Variants in NKAIN3 observed in about 807,000 individuals in gnomAD.
The protein encoded by NKAIN3 is sodium/potassium-transporting ATPase subunit beta-1-interacting protein 3.
Under a neutral mutation model 30.2 loss-of-function variants are expected in NKAIN3, and 25 were observed. The observed-to-expected ratio is 0.83, with a 90% CI of 0.60 to 1.16. NKAIN3 has a LOEUF of 1.16. NKAIN3 is among the 50% of genes most tolerant of loss of function. The pLI is 0.00. For synonymous variants in NKAIN3, 91 were observed against 89.6 expected (o/e 1.02, Z -0.09); for missense variants, 225 against 254.1 (o/e 0.89, Z 0.78).
intron 1 of NKAIN3, among the ~76,000 whole-genome samples, chr8:62,336,899 A>C (rs1232939326): frequency 2.0e-5 from 3 of 152,062 alleles, no homozygotes; most frequent in Admixed American, 6.6e-5. Context: ...ACTGTTTGTC[A>C]AAGCTACTCA....
chr8:62,993,637 A>C (rs1280276911), intron 5 of NKAIN3, among the ~76,000 whole-genome samples: 1 of 152,060 alleles, frequency 6.6e-6, no homozygotes, highest in African/African-American at 2.4e-5. Flanking sequence ...CCTTTTTGCA[A>C]ACGAATCACT....
intron 4 of NKAIN3, among the ~76,000 whole-genome samples, chr8:62,873,949 C>T (rs1315633561): frequency 1.3e-5 from 2 of 151,476 alleles, no homozygotes; most frequent in Non-Finnish European, 3.0e-5. Flanking sequence ...ACAAACAAAA[C>T]CAAAAGCTAG....
At chr8:62,652,147 C>T (rs951594241) in intron 3 of NKAIN3, among the ~76,000 whole-genome samples, 1 of 152,064 alleles carries the variant, frequency 6.6e-6, no homozygotes, top group Non-Finnish European at 1.5e-5. Flanking sequence ...TCCCAAGGCC[C>T]CACTTCCAAA....
chr8:62,327,974 C>T (rs1376711973), intron 1 of NKAIN3, among the ~76,000 whole-genome samples: 1 of 151,996 alleles, frequency 6.6e-6, no homozygotes. Context: ...TTAGAGTTTT[C>T]ATTGCAGAGG....
intron 4 of NKAIN3, among the ~76,000 whole-genome samples, chr8:62,789,195 C>T (rs1586196827): frequency 1.3e-5 from 2 of 152,064 alleles, no homozygotes; most frequent in East Asian, 3.9e-4. Context: ...TGTTTGTATC[C>T]TCTTTTATTT....
intron 4 of NKAIN3, among the ~76,000 whole-genome samples, chr8:62,807,076 C>A (rs377176810): frequency 5.3e-5 from 8 of 152,216 alleles, no homozygotes; most frequent in African/African-American, 1.9e-4. Flanking sequence ...TTTGTTAAAT[C>A]TTTTACTTCA....
At chr8:62,259,194 T>A (rs1418232713) in intron 1 of NKAIN3, among the ~76,000 whole-genome samples, 3 of 152,206 alleles carry the variant, frequency 2.0e-5, no homozygotes, top group Non-Finnish European at 4.4e-5. Context: ...TTATAGTATT[T>A]TGGACAACAA....
chr8:62,759,175 T>G (rs1816558979), intron 4 of NKAIN3, among the ~76,000 whole-genome samples: 1 of 152,180 alleles, frequency 6.6e-6, no homozygotes, highest in Non-Finnish European at 1.5e-5. Context: ...AAATGGATTT[T>G]TGGTGAAAAC....
At chr8:62,372,771 A>G (rs984904158) in intron 1 of NKAIN3, among the ~76,000 whole-genome samples, 5 of 151,932 alleles carry the variant, frequency 3.3e-5, no homozygotes, top group African/African-American at 1.2e-4. Context: ...GTATTTACAA[A>G]AGACAACACA....
At position 62,967,689 on chromosome 8, in the gene NKAIN3, G is replaced by C. The variant is rs73683964; in HGVS notation, c.*2282G>C. ...CAATAATTATTGTTAGTATTGTTAC[G>C]ATTATTGAAAAAGCTGATAAAACAT... On this transcript the variant is annotated 3_prime_UTR_variant, in exon 7 of 7. Transcript: ENST00000623646. 6.6e-6 allele frequency among the ~76,000 whole-genome samples: 1 copy of C among 152,052 alleles called. No homozygotes were observed. The highest frequency in any genetic ancestry group is 1.9e-4 in the East Asian group (1 of 5,190).
intron 4 of NKAIN3, among the ~76,000 whole-genome samples, chr8:62,848,016 C>T (rs893704586): frequency 5.9e-5 from 9 of 152,222 alleles, no homozygotes; most frequent in East Asian, 3.9e-4. Flanking sequence ...TCTGGGTTCT[C>T]TATTGTATTC....
At chr8:62,355,895 TAGAA>T (rs1453181170) in intron 1 of NKAIN3, among the ~76,000 whole-genome samples, 1 of 152,206 alleles carries the variant, frequency 6.6e-6, no homozygotes, top group East Asian at 1.9e-4. Flanking sequence ...ATAAATATAT[TAGAA>T]AGCTTTGTTT....
In NKAIN3 at chr8:62,672,838, G is replaced by C. The variant is rs533541822; in HGVS notation, c.274-74094G>C. ...TCCATTTAAAGTTTAATTCTATACA[G>C]TCAATTTTATCTAAAAAAATTGATT... On this transcript the variant is annotated intron_variant, in intron 3 of 6. Transcript: ENST00000623646. Among the ~76,000 whole-genome samples the C allele has an allele frequency of 2.0e-4, 30 of 152,038 alleles. 1 individual carries two copies. The highest frequency in any genetic ancestry group is 3.9e-4 in the Admixed American group (6 of 15,240).
At chr8:62,503,985 A>T (rs1563429517) in intron 1 of NKAIN3, among the ~76,000 whole-genome samples, 1 of 152,186 alleles carries the variant, frequency 6.6e-6, no homozygotes, top group Admixed American at 6.5e-5. Flanking sequence ...AGATGCAAGA[A>T]ATTATAAGAG....
At chr8:62,449,010 G>A (rs1462660153) in intron 1 of NKAIN3, among the ~76,000 whole-genome samples, 3 of 151,770 alleles carry the variant, frequency 2.0e-5, no homozygotes, top group Non-Finnish European at 4.4e-5. Context: ...CTTTTTGTAG[G>A]TCTTATACTT....
chr8:62,441,516 T>C (rs1015936978), intron 1 of NKAIN3, among the ~76,000 whole-genome samples: 9 of 151,960 alleles, frequency 5.9e-5, no homozygotes, highest in Admixed American at 6.6e-5. Flanking sequence ...AAATATTTTA[T>C]CTTGTGAGTT....
chr8:62,380,403 C>T (rs1817237664), intron 1 of NKAIN3, among the ~76,000 whole-genome samples: 1 of 152,142 alleles, frequency 6.6e-6, no homozygotes. Flanking sequence ...TCTCTTTCTC[C>T]TATCAGATGC....
At chr8:62,629,233 T>A (rs1322685835) in intron 3 of NKAIN3, among the ~76,000 whole-genome samples, 1 of 152,154 alleles carries the variant, frequency 6.6e-6, no homozygotes, top group Non-Finnish European at 1.5e-5. Context: ...CTTGTATGGA[T>A]GTATTTCATC....
chr8:62,560,126 A>G (rs920238484), intron 1 of NKAIN3, among the ~76,000 whole-genome samples: 1 of 152,160 alleles, frequency 6.6e-6, no homozygotes, highest in Non-Finnish European at 1.5e-5. Context: ...TCTACAATAA[A>G]TATTTTGTCA....
Sources: gnomAD v4.1 joint callset for allele counts (sites outside exome capture counted in the v4.1 genomes callset) on GRCh38, gnomAD v4.1.1 for gene constraint, MANE v1.5 for transcripts, NCBI Gene and HGNC (gene_info 2026-07-23, HGNC 2026-07-21) for gene names.